G3BP2: variants seen among roughly 807,000 people sequenced by gnomAD.
The protein encoded by G3BP2 is ras GTPase-activating protein-binding protein 2.
A neutral mutation model predicts 56.7 loss-of-function variants in G3BP2; 11 were observed. The ratio of observed to expected loss-of-function variants is 0.19; its 90% CI spans 0.12 to 0.32. G3BP2 has a LOEUF of 0.32. Among genes scored for constraint, G3BP2 ranks in the 10% least tolerant of loss-of-function variants. G3BP2 has a pLI of 1.00. For synonymous variants in G3BP2, 165 were observed against 191.6 expected (o/e 0.86, Z 1.15); for missense variants, 340 against 610.9 (o/e 0.56, Z 4.67).
intron 3 of G3BP2, among the ~76,000 whole-genome samples, chr4:75,691,916 CA>C (rs1160556326): frequency 6.6e-6 from 1 of 152,106 alleles, no homozygotes; most frequent in Non-Finnish European, 1.5e-5. Flanking sequence ...ATATGCAGCC[CA>C]AATTGAAAGA....
intron 3 of G3BP2, among the ~76,000 whole-genome samples, chr4:75,658,166 A>G (rs1732254143): frequency 6.6e-6 from 1 of 152,196 alleles, no homozygotes. Flanking sequence ...ATTTCTGTGC[A>G]TTCCTATAGC....
chr4:75,707,918 A>G (rs1719615070), intron 3 of G3BP2, among the ~76,000 whole-genome samples: 1 of 152,206 alleles, frequency 6.6e-6, no homozygotes, highest in African/African-American at 2.4e-5. Flanking sequence ...TACTGTTACT[A>G]CAAATGACCT....
intron 1 of G3BP2, among the ~76,000 whole-genome samples, chr4:75,663,385 A>T (rs540121705): frequency 1.3e-5 from 2 of 152,016 alleles, no homozygotes; most frequent in Non-Finnish European, 2.9e-5. Flanking sequence ...CTCCCCGCTA[A>T]ATCTCCTGAG....
chr4:75,655,325 G>GT lies in G3BP2; in HGVS notation c.546-80dup, dbSNP rs369935811. 8,912 of 994,976 alleles carry GT rather than the reference G, an allele frequency of 9.0e-3. 63 individuals carry two copies. The highest frequency in any genetic ancestry group is 0.028 in the Middle Eastern group (94 of 3,408). 61.6% of individuals were successfully genotyped at this position (994,976 alleles called of 1,614,324 possible). A position where few individuals can be genotyped will look rare whatever the true frequency, so the allele number is the denominator to read the frequency against. On this transcript the variant is annotated intron_variant, in intron 6 of 11. Transcript: ENST00000359707. ...TCAATTTCTCTCTAATCCAATGGGT[G>GT]TAACTAGTTATATGCCAATAACTTG... is the stretch of plus-strand genomic sequence containing the variant.
At chr4:75,662,253 A>C (rs1447694442) in intron 1 of G3BP2, 2 of 344,462 alleles carry the variant, frequency 5.8e-6, no homozygotes, top group Non-Finnish European at 1.0e-5. Flanking sequence ...ACGGAGTTTC[A>C]CTCTCCTTGC....
At chr4:75,724,429 G>A (rs1720313490) in exon 1 of G3BP2, 2 of 255,016 alleles carry the variant, frequency 7.8e-6, no homozygotes, top group South Asian at 8.9e-5. Context: ...TGCAGGGCCG[G>A]GCTTCCACCA....
At chr4:75,651,495 C>A (rs1731697236) in intron 8 of G3BP2, among the ~76,000 whole-genome samples, 1 of 152,128 alleles carries the variant, frequency 6.6e-6, no homozygotes, top group Non-Finnish European at 1.5e-5. Flanking sequence ...AGGAATCTGA[C>A]TTTAAGTAGA....
At chr4:75,646,212 T>G (rs1731199108) in intron 11 of G3BP2, 126 bp downstream of exon 11, 1 of 614,346 alleles carries the variant, frequency 1.6e-6, no homozygotes. Context: ...ATTCTTTGCA[T>G]AAATACCATT....
In G3BP2 at chr4:75,682,691, A is replaced by G. The variant is rs939724333; in HGVS notation, c.-24-20642T>C. Among the ~76,000 whole-genome samples, 8 of 152,086 alleles carry G rather than the reference A, an allele frequency of 5.3e-5. No homozygotes were observed. In the East Asian group the frequency reaches 1.4e-3, roughly 26 times the overall value. Reference sequence around the variant, plus strand: ...GGGAAAAGATCTCCATAAAGAAATCATGCAGCTGGGCTGGGCACGGTTGCT... The same window carrying G: ...GGGAAAAGATCTCCATAAAGAAATCGTGCAGCTGGGCTGGGCACGGTTGCT... On this transcript the variant is annotated intron_variant, in intron 3 of 3. Transcript: ENST00000499709.
At chr4:75,647,241 A>G in intron 9 of G3BP2, 84 bp from the exon 10 acceptor site, 1 of 873,650 alleles carries the variant, frequency 1.1e-6, no homozygotes, top group Non-Finnish European at 1.7e-6. Flanking sequence ...ATCACTTAAT[A>G]TTGATATTCC....
intron 3 of G3BP2, among the ~76,000 whole-genome samples, chr4:75,658,279 C>T (rs1250511377): frequency 6.6e-6 from 1 of 152,004 alleles, no homozygotes; most frequent in Admixed American, 6.6e-5. Context: ...TCCTTTGTAG[C>T]CATCGTAATA....
intron 3 of G3BP2, among the ~76,000 whole-genome samples, chr4:75,719,358 A>T (rs988566244): frequency 4.8e-4 from 73 of 151,850 alleles, no homozygotes; most frequent in African/African-American, 1.6e-3. Flanking sequence ...AAAAAAAAAA[A>T]AAAAAAAAAG....
At chr4:75,707,212 G>A (rs922717968) in intron 3 of G3BP2, among the ~76,000 whole-genome samples, 3 of 147,034 alleles carry the variant, frequency 2.0e-5, no homozygotes, top group South Asian at 2.2e-4. Context: ...ACGGAAAATA[G>A]TATAATAAAA....
At chr4:75,667,647 T>A (rs937664154) in intron 1 of G3BP2, among the ~76,000 whole-genome samples, 3 of 152,150 alleles carry the variant, frequency 2.0e-5, no homozygotes, top group Non-Finnish European at 4.4e-5. Flanking sequence ...TCCCAGCACT[T>A]TGGGAGGCAA....
chr4:75,661,563 C>G (rs1489500142), intron 2 of G3BP2: 1 of 153,566 alleles, frequency 6.5e-6, no homozygotes, highest in Non-Finnish European at 1.4e-5. Flanking sequence ...AAGCTGCAAG[C>G]TGGGAGATCG....
intron 5 of G3BP2, 130 bp from the exon 6 acceptor site, chr4:75,656,000 T>A (rs557643418): frequency 3.4e-6 from 2 of 593,942 alleles, no homozygotes; most frequent in East Asian, 2.9e-5. Context: ...TTCCTTTTTT[T>A]TTTTTTTTGA....
chr4:75,673,601 A>G (rs1044478110), upstream of G3BP2: 5 of 1,231,392 alleles, frequency 4.1e-6, no homozygotes, highest in African/African-American at 1.6e-5. Context: ...AAGCCGGGGA[A>G]CCGGAACCGG....
chr4:75,666,846 A>G (rs1733077403), intron 1 of G3BP2, among the ~76,000 whole-genome samples: 1 of 152,230 alleles, frequency 6.6e-6, no homozygotes, highest in Non-Finnish European at 1.5e-5. Context: ...ACAAAACGAA[A>G]CAAAATTCTG....
intron 1 of G3BP2, among the ~76,000 whole-genome samples, chr4:75,671,370 G>C (rs1168780870): frequency 6.6e-6 from 1 of 152,214 alleles, no homozygotes; most frequent in African/African-American, 2.4e-5. Context: ...AATTTTGCAG[G>C]ATAAGGAGGG....
Sources: allele counts gnomAD v4.1 joint callset (sites outside exome capture counted in the v4.1 genomes callset), GRCh38; gene constraint gnomAD v4.1.1; transcripts MANE v1.5; gene names NCBI Gene and HGNC (gene_info 2026-07-23, HGNC 2026-07-21).